The following GOLM1 variants were observed in gnomAD, a reference collection of about 807,000 sequenced individuals.
The protein encoded by GOLM1 is epididymis luminal protein 46.
GOLM1 carries 31 observed loss-of-function variants against 50.5 expected under a neutral mutation model. That is an observed-to-expected ratio of 0.61 (90% CI 0.46 to 0.83). The LOEUF is 0.83. Among genes scored for constraint, GOLM1 ranks in the 40% least tolerant of loss-of-function variants. The pLI is 0.00. For missense variants in GOLM1, 491 were observed against 501.3 expected (o/e 0.98, Z 0.20); for synonymous variants, 178 against 192.8 (o/e 0.92, Z 0.64).
chr9:86,077,770 A>G, intron 2 of GOLM1, 179 bp from the exon 3 acceptor site: 1 of 569,796 alleles, frequency 1.8e-6, no homozygotes, highest in Non-Finnish European at 3.1e-6. Flanking sequence ...TCTTCTGGAA[A>G]AAATGGTCTC....
intron 3 of GOLM1, among the ~76,000 whole-genome samples, chr9:86,060,710 C>T (rs13288014): frequency 2.6e-5 from 4 of 151,434 alleles, no homozygotes; most frequent in African/African-American, 9.7e-5. Context: ...GAAGCCCCGT[C>T]TCTACTAAAA....
intron 3 of GOLM1, among the ~76,000 whole-genome samples, chr9:86,063,317 C>G (rs1035030507): frequency 7.2e-5 from 11 of 152,232 alleles, no homozygotes; most frequent in Non-Finnish European, 1.3e-4. Context: ...CAATGGGCAC[C>G]CCAGGGCTGA....
chr9:86,055,773 T>G (rs545130881), intron 3 of GOLM1, among the ~76,000 whole-genome samples: 2 of 152,288 alleles, frequency 1.3e-5, no homozygotes, highest in East Asian at 3.9e-4. Flanking sequence ...GAAAGGTGGC[T>G]GTCCAGGGAT....
At chr9:86,053,721 A>C (rs943131250) in intron 3 of GOLM1, among the ~76,000 whole-genome samples, 1 of 516 alleles carries the variant, frequency 1.9e-3, no homozygotes, top group Admixed American at 0.016. Flanking sequence ...ACCGCATCAC[A>C]GACTGCTCCA....
chr9:86,092,970 A>G (rs752620758), intron 1 of GOLM1, among the ~76,000 whole-genome samples: 3 of 152,236 alleles, frequency 2.0e-5, no homozygotes, highest in Non-Finnish European at 4.4e-5. Context: ...TGTTTGTCTC[A>G]TACTTGGTTA....
At chr9:86,054,679 C>G (rs2118755105) in intron 3 of GOLM1, among the ~76,000 whole-genome samples, 1 of 152,232 alleles carries the variant, frequency 6.6e-6, no homozygotes. Flanking sequence ...CTCCAGAGAG[C>G]AAGTTCTTCA....
At chr9:86,047,714 T>A (rs533160270) in intron 4 of GOLM1, among the ~76,000 whole-genome samples, 43 of 152,160 alleles carry the variant, frequency 2.8e-4, no homozygotes, top group Admixed American at 7.2e-4. Flanking sequence ...CACCCCACAA[T>A]CCAACTAGGC....
chr9:86,051,420 G>T lies in GOLM1; in HGVS notation c.364+1117C>A, dbSNP rs181534914. ...CTGAGTTCAAGTCCTGGATATCCTTGTTAACTTTCTGTCTCGTTGATCTGT... is the reference window on the plus strand; with the variant it reads ...CTGAGTTCAAGTCCTGGATATCCTTTTTAACTTTCTGTCTCGTTGATCTGT... On this transcript the variant is annotated intron_variant, in intron 4 of 9. Coordinates refer to ENST00000388712, the MANE Select transcript of GOLM1 (RefSeq NM_016548.4). Among the ~76,000 whole-genome samples, 1,266 of 152,114 alleles carry T rather than the reference G, an allele frequency of 8.3e-3. 6 individuals carry two copies. The highest frequency in any genetic ancestry group is 0.014 in the Admixed American group (209 of 15,260).
At chr9:86,051,042 C>G (rs1344964850) in intron 4 of GOLM1, among the ~76,000 whole-genome samples, 2 of 152,034 alleles carry the variant, frequency 1.3e-5, no homozygotes, top group African/African-American at 4.8e-5. Flanking sequence ...TAAACGTGTC[C>G]CAGAGATTCT....
At chr9:86,069,745 C>T (rs1040723817) in intron 3 of GOLM1, among the ~76,000 whole-genome samples, 3 of 152,154 alleles carry the variant, frequency 2.0e-5, no homozygotes, top group Non-Finnish European at 4.4e-5. Flanking sequence ...CATTTTACAT[C>T]TTTATCTCGC....
In GOLM1 at chr9:86,078,716, C is replaced by T. The variant is rs547668487; in HGVS notation, c.129+476G>A. ...CACTGCACCTGACCCATGACTGCAC[C>T]GGTAAATGAGGAAGTTAAAATTATT... On this transcript the variant is annotated intron_variant, in intron 2 of 9. Coordinates refer to ENST00000388712, the MANE Select transcript of GOLM1 (RefSeq NM_016548.4). 2.1e-3 allele frequency among the ~76,000 whole-genome samples: 324 copies of T among 152,138 alleles called. 1 individual carries two copies. The highest frequency in any genetic ancestry group is 3.5e-3 in the African/African-American group (147 of 41,486).
At chr9:86,037,449 A>AG (rs1403799656) in intron 6 of GOLM1, among the ~76,000 whole-genome samples, 2 of 152,002 alleles carry the variant, frequency 1.3e-5, no homozygotes, top group East Asian at 3.9e-4. Flanking sequence ...AAAAAAAAAA[A>AG]AAAAAAAAAG....
At chr9:86,064,142 C>A (rs1834240888) in intron 3 of GOLM1, among the ~76,000 whole-genome samples, 1 of 152,206 alleles carries the variant, frequency 6.6e-6, no homozygotes, top group East Asian at 1.9e-4. Context: ...TGAAGGACAT[C>A]TACCTGAATG....
chr9:86,086,299 G>A (rs375977261), intron 1 of GOLM1, among the ~76,000 whole-genome samples: 16 of 152,082 alleles, frequency 1.1e-4, no homozygotes, highest in African/African-American at 2.9e-4. Context: ...CATATCCTTC[G>A]CCCAGTTTTT....
rs17051559 is a variant in GOLM1, at chr9:86,033,050, T to C, written c.1129+232A>G. 0.022 allele frequency among the ~76,000 whole-genome samples: 3,289 copies of C among 152,286 alleles called. 380 individuals are homozygous for C. The East Asian group carries it at 0.36, about 17-fold the overall frequency. On this transcript the variant is annotated intron_variant, in intron 9 of 9. Transcript: ENST00000388712. ...ACTTAAAGAGTTGAGCCACACTGAA[T>C]ATGTTTCTAGAAACGATGCAGACTT...
intron 1 of GOLM1, among the ~76,000 whole-genome samples, chr9:86,087,489 T>C (rs903484157): frequency 6.6e-6 from 1 of 152,128 alleles, no homozygotes; most frequent in Non-Finnish European, 1.5e-5. Context: ...TGAATAGGAG[T>C]GATGAGAGAG....
At chr9:86,031,125 G>A (rs144777921) in intron 9 of GOLM1, among the ~76,000 whole-genome samples, 11,216 of 151,976 alleles carry the variant, frequency 0.074, 571 homozygotes, top group Middle Eastern at 0.14. Context: ...CAGGAGAATC[G>A]CTTGAACCCG....
intron 3 of GOLM1, among the ~76,000 whole-genome samples, chr9:86,071,764 G>A (rs1417565975): frequency 6.6e-6 from 1 of 152,064 alleles, no homozygotes; most frequent in Non-Finnish European, 1.5e-5. Context: ...TTAAGACGTG[G>A]GTCATTATCC....
chr9:86,040,900 A>T, intron 5 of GOLM1, 32 bp from the exon 6 acceptor site: 1 of 1,606,962 alleles, frequency 6.2e-7, no homozygotes. Flanking sequence ...GAAGGGCCTG[A>T]CGTCTATGAC....
Sources: allele counts gnomAD v4.1 joint callset (sites outside exome capture counted in the v4.1 genomes callset), GRCh38; gene constraint gnomAD v4.1.1; transcripts MANE v1.5; gene names NCBI Gene and HGNC (gene_info 2026-07-23, HGNC 2026-07-21).